The following DNAH9 variants were observed in gnomAD, a reference collection of about 807,000 sequenced individuals.
The protein encoded by DNAH9 is DNAH9 variant protein.
In DNAH9, 345 loss-of-function variants were observed where a neutral mutation model predicts 471.6. That is an observed-to-expected ratio of 0.73 (90% CI 0.67 to 0.80). The LOEUF (loss-of-function observed/expected upper bound fraction) is 0.80. Ranked by LOEUF, DNAH9 falls within the 30% of genes least tolerant of loss-of-function variation. The pLI is 0.00. For missense variants in DNAH9, 5,407 were observed against 5,609.2 expected (o/e 0.96, Z 1.15); for synonymous variants, 2,093 against 2,123.6 (o/e 0.99, Z 0.40).
chr17:11,804,151 G>A (rs1969571724), intron 43 of DNAH9, among the ~76,000 whole-genome samples: 1 of 152,202 alleles, frequency 6.6e-6, no homozygotes. Flanking sequence ...TCATAGGAAA[G>A]CAAGAGAAGT....
chr17:11,881,547 C>A, intron 55 of DNAH9, 134 bp downstream of exon 55: 2 of 818,510 alleles, frequency 2.4e-6, no homozygotes, highest in Non-Finnish European at 3.7e-6. Context: ...AGACTGCTGA[C>A]CCCATGTAGC....
rs141077864 is a variant in DNAH9 at position 11,640,279 on chromosome 17, C to T, written c.1796C>T (p.Pro599Leu). Residue 599 changes from proline (P) to leucine (L), a missense_variant, in exon 10 of 69, where the codon CCG (proline) becomes CTG (leucine). By Grantham distance (98) the Pro-to-Leu change is moderately conservative. Around this residue, in one of 3 missense-constraint regions of DNAH9, gnomAD observed 4,636 missense variants for 4,900.3 expected, o/e 0.95. Transcript: ENST00000262442. ...VQEEAELGFS[P>L]VHKNMPTVAG... ...TGTGCCATGTCTCCAGGGTTCTCCC[C>T]GGTGCACAAGAACATGCCCACCGTG... The T allele has an allele frequency of 2.7e-3, 4,350 of 1,611,504 alleles. 7 individuals carry two copies. Among genetic ancestry groups the T allele is most frequent in the Non-Finnish European group, 3.0e-3 (3,487 of 1,177,924 alleles).
At position 11,632,780 on chromosome 17, in the gene DNAH9, T is replaced by G. The variant is rs9899241; in HGVS notation, c.1635+77T>G. ...TCATCAGAGGATGATATGGATACCT[T>G]TCCACCTGTTCTGTTCCTGCAACTA... On this transcript the variant is annotated intron_variant, in intron 8 of 68. Transcript: ENST00000262442. 13,705 of 682,978 alleles carry G rather than the reference T, an allele frequency of 0.02. 456 individuals carry two copies. The highest frequency in any genetic ancestry group is 0.097 in the South Asian group (5,228 of 53,768). The allele number at this position is 682,978 out of a possible 1,614,324, so 42.3% of individuals were successfully genotyped here.
intron 30 of DNAH9, among the ~76,000 whole-genome samples, chr17:11,744,205 G>T (rs534767385): frequency 3.7e-4 from 56 of 152,224 alleles, no homozygotes; most frequent in Non-Finnish European, 6.5e-4. Context: ...GGCTTCAACA[G>T]AAGTCTGTCT....
rs71142253 is a variant in DNAH9, at chr17:11,926,035, GAAAAAA to G, written c.11877+2116_11877+2121del. Among the ~76,000 whole-genome samples the G allele has an allele frequency of 5.4e-3, 325 of 59,892 alleles. 1 individual carries two copies. Among genetic ancestry groups the G allele is most frequent in the African/African-American group, 0.016 (202 of 12,656 alleles). 39.3% of individuals were successfully genotyped at this position (59,892 alleles called of 152,430 possible). A position where few individuals can be genotyped will look rare whatever the true frequency, so the allele number is the denominator to read the frequency against. ...AGCCTGTAAACCTGAGAGATTCTCT[GAAAAAA>G]AAAAAAAAAAAAAAAAAAAAAGCTG... On this transcript the variant is annotated intron_variant, in intron 62 of 68. Transcript: ENST00000262442.
intron 41 of DNAH9, among the ~76,000 whole-genome samples, chr17:11,785,191 C>T (rs1968818504): frequency 6.6e-6 from 1 of 152,106 alleles, no homozygotes; most frequent in Non-Finnish European, 1.5e-5. Context: ...ACCCTTTCTT[C>T]CGTCTGGTCA....
intron 68 of DNAH9, among the ~76,000 whole-genome samples, chr17:11,966,556 A>G (rs1976742237): frequency 6.6e-6 from 1 of 152,262 alleles, no homozygotes; most frequent in Admixed American, 6.5e-5. Flanking sequence ...AGGCAATTAC[A>G]TATGTAAGCA....
At chr17:11,906,348 T>G (rs930231947) in intron 61 of DNAH9, among the ~76,000 whole-genome samples, 1 of 152,134 alleles carries the variant, frequency 6.6e-6, no homozygotes, top group African/African-American at 2.4e-5. Context: ...GTGGTACGGC[T>G]GGGCACGGTG....
intron 51 of DNAH9, 77 bp downstream of exon 51, chr17:11,869,330 T>A: frequency 1.3e-6 from 2 of 1,576,036 alleles, no homozygotes; most frequent in Non-Finnish European, 1.7e-6. Context: ...GCAAGATAGA[T>A]GAGCACAGCA....
chr17:11,877,209 G>A lies in DNAH9; in HGVS notation c.10478+2025G>A, dbSNP rs892289698. Reference sequence around the variant, plus strand: ...TGGAGGCAGCTGGGCGCAGTGGCTCGAGCCTGTAATCATAGCACTTTGGGA... The same window carrying A: ...TGGAGGCAGCTGGGCGCAGTGGCTCAAGCCTGTAATCATAGCACTTTGGGA... On this transcript the variant is annotated intron_variant, in intron 53 of 68. Transcript: ENST00000262442. 5.9e-5 allele frequency among the ~76,000 whole-genome samples: 9 copies of A among 151,312 alleles called. No individual in the cohort carries two copies. The East Asian group carries it at 1.4e-3, about 23-fold the overall frequency.
chr17:11,655,232 A>G (rs2073615210), intron 14 of DNAH9, among the ~76,000 whole-genome samples: 1 of 151,968 alleles, frequency 6.6e-6, no homozygotes, highest in Non-Finnish European at 1.5e-5. Context: ...GAGTGAGAAC[A>G]TACAACGTTT....
Position 11,664,831 on chromosome 17 carries a change from A to G in DNAH9, c.2596-2A>G. ...TTATATCCTTTCTTCTTCCTTTTAT[A>G]GGAAAACCTGGGTCTATTTTCAGCA... On this transcript the variant is annotated splice_acceptor_variant, in intron 14 of 68. Coordinates refer to ENST00000262442, the MANE Select transcript of DNAH9 (RefSeq NM_001372.4). LOFTEE classifies it high-confidence loss of function. 6.2e-7 allele frequency: 1 copy of G among 1,611,686 alleles called. No individual in the cohort carries two copies. Among genetic ancestry groups the G allele is most frequent in the Non-Finnish European group, 8.5e-7 (1 of 1,178,206 alleles).
At chr17:11,682,577 G>C (rs568115293) in intron 19 of DNAH9, among the ~76,000 whole-genome samples, 130 of 152,158 alleles carry the variant, frequency 8.5e-4, no homozygotes, top group African/African-American at 2.8e-3. Context: ...GGAAGGACAA[G>C]TGTGTAAAAC....
At chr17:11,789,871 GC>G (rs902195289) in intron 41 of DNAH9, among the ~76,000 whole-genome samples, 3 of 151,822 alleles carry the variant, frequency 2.0e-5, no homozygotes, top group African/African-American at 7.3e-5. Flanking sequence ...CATCATGCAA[GC>G]TTTTATATGC....
chr17:11,707,563 C>T (rs537532924), intron 26 of DNAH9, among the ~76,000 whole-genome samples: 33 of 152,232 alleles, frequency 2.2e-4, no homozygotes, highest in Admixed American at 4.6e-4. Flanking sequence ...AATTCATTTT[C>T]CTCCCCAGTC....
chr17:11,951,528 A>G (rs1975359852), intron 67 of DNAH9, among the ~76,000 whole-genome samples: 1 of 152,110 alleles, frequency 6.6e-6, no homozygotes, highest in African/African-American at 2.4e-5. Context: ...TGGAAATACA[A>G]AAATTAGCTG....
chr17:11,924,816 G>C (rs562076467), intron 62 of DNAH9, among the ~76,000 whole-genome samples: 102 of 151,870 alleles, frequency 6.7e-4, no homozygotes, highest in African/African-American at 2.3e-3. Flanking sequence ...TAGAGACAGG[G>C]TTTCACCATG....
intron 61 of DNAH9, among the ~76,000 whole-genome samples, chr17:11,918,207 TTTG>T (rs905227944): frequency 3.6e-5 from 4 of 109,982 alleles, no homozygotes; most frequent in Non-Finnish European, 7.5e-5. Flanking sequence ...TGGGTGTTTT[TTTG>T]TTTTGTTTTG....
chr17:11,927,106 GT>G (rs1163046440), intron 62 of DNAH9, among the ~76,000 whole-genome samples: 2 of 152,056 alleles, frequency 1.3e-5, no homozygotes, highest in Non-Finnish European at 2.9e-5. Flanking sequence ...TAATGAGGTT[GT>G]TTGTTTTTTT....
Sources: allele counts gnomAD v4.1 joint callset (sites outside exome capture counted in the v4.1 genomes callset), GRCh38; gene constraint gnomAD v4.1.1; regional missense constraint gnomAD v4.1.1; transcripts MANE v1.5; gene names NCBI Gene and HGNC (gene_info 2026-07-23, HGNC 2026-07-21).